DIP2B: variants seen among roughly 807,000 people sequenced by gnomAD.
DIP2B encodes DIP2 acetate--CoA ligase B (putative).
DIP2B carries 76 observed loss-of-function variants against 198.0 expected under a neutral mutation model. That is an observed-to-expected ratio of 0.38 (90% CI 0.32 to 0.46). The LOEUF is 0.46. Ranked by LOEUF, DIP2B falls within the 20% of genes least tolerant of loss-of-function variation. The pLI is 0.99. For synonymous variants in DIP2B, 701 were observed against 739.1 expected (o/e 0.95, Z 0.84); for missense variants, 1,559 against 1,978.4 (o/e 0.79, Z 4.02).
At chr12:50,591,624 C>T (rs959476033) in intron 1 of DIP2B, among the ~76,000 whole-genome samples, 1 of 150,884 alleles carries the variant, frequency 6.6e-6, no homozygotes, top group Non-Finnish European at 1.5e-5. Context: ...TTCTTTCTTT[C>T]TTTCTTTTTT....
chr12:50,512,307 A>C lies in DIP2B; in HGVS notation c.100+7067A>C, dbSNP rs55939211. On this transcript the variant is annotated intron_variant, in intron 1 of 37. Transcript: ENST00000301180. ...TTTTTAGTAGAGACGGGGTTTCACT[A>C]TCTTGGCCAGGCTGCTCTCAAACTC... Among the ~76,000 whole-genome samples, 17 of 151,618 alleles carry C rather than the reference A, an allele frequency of 1.1e-4. No homozygotes were observed. The East Asian group carries it at 2.9e-3, about 26-fold the overall frequency.
At chr12:50,629,037 C>G (rs1937991107) in intron 2 of DIP2B, among the ~76,000 whole-genome samples, 1 of 152,112 alleles carries the variant, frequency 6.6e-6, no homozygotes, top group African/African-American at 2.4e-5. Flanking sequence ...AGCTCCCACA[C>G]CCAGCTAATT....
At chr12:50,595,008 A>G (rs1291908511) in intron 1 of DIP2B, among the ~76,000 whole-genome samples, 1 of 152,162 alleles carries the variant, frequency 6.6e-6, no homozygotes, top group African/African-American at 2.4e-5. Context: ...GTGCTTTGAC[A>G]TTTTCTTTTT....
intron 8 of DIP2B, 142 bp downstream of exon 8, chr12:50,679,018 T>A: frequency 1.1e-6 from 1 of 942,034 alleles, no homozygotes; most frequent in Non-Finnish European, 1.5e-6. Flanking sequence ...TCCTAAGCTC[T>A]AAGTAAAGCT....
chr12:50,737,745 T>C (rs1206196352), intron 35 of DIP2B, among the ~76,000 whole-genome samples: 1 of 151,848 alleles, frequency 6.6e-6, no homozygotes, highest in Non-Finnish European at 1.5e-5. Context: ...TGCCACCATG[T>C]CTGGCTAACT....
chr12:50,579,721 A>C (rs1958705935), intron 1 of DIP2B, among the ~76,000 whole-genome samples: 1 of 117,378 alleles, frequency 8.5e-6, no homozygotes, highest in Non-Finnish European at 1.7e-5. Flanking sequence ...ATATATATAC[A>C]TAGCTTCATG....
chr12:50,658,102 GAAAGAAAAA>G (rs1184716805), intron 3 of DIP2B, among the ~76,000 whole-genome samples: 12 of 149,042 alleles, frequency 8.1e-5, no homozygotes, highest in Non-Finnish European at 1.5e-4. Flanking sequence ...AAAAAAAAAA[GAAAGAAAAA>G]AAAGAAAAAC....
chr12:50,663,281 C>T (rs377596556), intron 4 of DIP2B, among the ~76,000 whole-genome samples: 35 of 149,942 alleles, frequency 2.3e-4, no homozygotes, highest in Non-Finnish European at 4.3e-4. Flanking sequence ...AAAAATTAGC[C>T]GGGCGTGGTG....
chr12:50,614,467 T>C (rs566684262), intron 1 of DIP2B, among the ~76,000 whole-genome samples: 1 of 152,342 alleles, frequency 6.6e-6, no homozygotes, highest in Non-Finnish European at 1.5e-5. Flanking sequence ...TTGATGGTTC[T>C]AAAATCTATA....
chr12:50,654,653 G>A (rs1182913814), intron 3 of DIP2B, among the ~76,000 whole-genome samples: 2 of 152,068 alleles, frequency 1.3e-5, no homozygotes, highest in Non-Finnish European at 2.9e-5. Context: ...CACCTGGCCC[G>A]AAAATATAAG....
intron 1 of DIP2B, among the ~76,000 whole-genome samples, chr12:50,580,005 G>C (rs1418203247): frequency 5.2e-5 from 7 of 134,814 alleles, no homozygotes; most frequent in Non-Finnish European, 9.2e-5. Context: ...GAGAAGACCA[G>C]TTCTTAGCTT....
intron 1 of DIP2B, among the ~76,000 whole-genome samples, chr12:50,561,429 AT>A (rs879471809): frequency 6.4e-4 from 94 of 146,834 alleles, no homozygotes; most frequent in South Asian, 6.4e-4. Flanking sequence ...CACCTAGTTA[AT>A]TTTTTTTTTT....
At chr12:50,725,936 G>A (rs982854858) in intron 28 of DIP2B, among the ~76,000 whole-genome samples, 1 of 151,542 alleles carries the variant, frequency 6.6e-6, no homozygotes, top group Admixed American at 6.6e-5. Flanking sequence ...GCTGAACTGG[G>A]TTTTTTAAAT....
rs541557645 is a variant in DIP2B, at chr12:50,560,428, C to T, written c.100+55188C>T. 8.7e-5 allele frequency among the ~76,000 whole-genome samples: 13 copies of T among 148,764 alleles called. No individual in the cohort carries two copies. The East Asian group carries it at 1.2e-3, about 14-fold the overall frequency. Reference sequence around the variant, plus strand: ...AAAAAAAGCAAAAAACTTAGCTGGGCGTGGTGGCATGTACCTGTAATCCCA... The same window carrying T: ...AAAAAAAGCAAAAAACTTAGCTGGGTGTGGTGGCATGTACCTGTAATCCCA... On this transcript the variant is annotated intron_variant, in intron 1 of 37. Coordinates refer to ENST00000301180, the MANE Select transcript of DIP2B (RefSeq NM_173602.3).
intron 1 of DIP2B, among the ~76,000 whole-genome samples, chr12:50,545,091 A>G (rs2139379505): frequency 6.6e-6 from 1 of 152,112 alleles, no homozygotes; most frequent in Admixed American, 6.5e-5. Context: ...GTTTGTTTCC[A>G]GTTTTGGCTT....
chr12:50,674,422 G>T lies in DIP2B; in HGVS notation c.641-52G>T, dbSNP rs1320092232. ...AAAAACAAAACCCCAAAGATTTGAA[G>T]GTTCTTAGTTTTGCTGCTAATATAA... is the stretch of plus-strand genomic sequence containing the variant. On this transcript the variant is annotated intron_variant, in intron 5 of 37. Coordinates refer to ENST00000301180, the MANE Select transcript of DIP2B (RefSeq NM_173602.3). The T allele has an allele frequency of 5.0e-6, 8 of 1,599,872 alleles. No homozygotes were observed. The Admixed American group carries it at 1.3e-4, about 27-fold the overall frequency.
chr12:50,671,445 C>T (rs748507210), intron 5 of DIP2B, 47 bp downstream of exon 5: 8 of 1,581,942 alleles, frequency 5.1e-6, no homozygotes, highest in Non-Finnish European at 6.9e-6. Context: ...TTCCATTTGG[C>T]TCCCAGTATC....
At chr12:50,694,079 A>G (rs978188434) in intron 14 of DIP2B, among the ~76,000 whole-genome samples, 12 of 152,184 alleles carry the variant, frequency 7.9e-5, no homozygotes, top group Admixed American at 7.2e-4. Context: ...AGAAACAGGG[A>G]CATTTCGATT....
intron 3 of DIP2B, among the ~76,000 whole-genome samples, chr12:50,647,843 A>C (rs1018618012): frequency 6.6e-6 from 1 of 152,062 alleles, no homozygotes; most frequent in Non-Finnish European, 1.5e-5. Context: ...GGCCGGGCAC[A>C]GTGGCTCACA....
Sources: gnomAD v4.1 joint callset for allele counts (sites outside exome capture counted in the v4.1 genomes callset) on GRCh38, gnomAD v4.1.1 for gene constraint, MANE v1.5 for transcripts, NCBI Gene and HGNC (gene_info 2026-07-23, HGNC 2026-07-21) for gene names.